The following EPHA3 variants were observed in gnomAD, a reference collection of about 807,000 sequenced individuals.
EPHA3 encodes EPH receptor A3, also known as ephrin type-A receptor 3.
A neutral mutation model predicts 107.1 loss-of-function variants in EPHA3; 42 were observed. The observed-to-expected ratio is 0.39, with a 90% confidence interval of 0.31 to 0.51. The LOEUF (loss-of-function observed/expected upper bound fraction) is 0.51. EPHA3 is among the 20% of genes least tolerant of loss of function. EPHA3 has a pLI of 0.78. For missense variants in EPHA3, 1,183 were observed against 1,211.2 expected (o/e 0.98, Z 0.35); for synonymous variants, 461 against 424.8 (o/e 1.09, Z -1.05).
chr3:89,286,100 C>G (rs1706075250), intron 3 of EPHA3, among the ~76,000 whole-genome samples: 1 of 147,692 alleles, frequency 6.8e-6, no homozygotes. Context: ...AAACTTTAAA[C>G]TAGGAGGATC....
chr3:89,238,788 C>T (rs937042488), intron 3 of EPHA3, among the ~76,000 whole-genome samples: 6 of 152,080 alleles, frequency 3.9e-5, no homozygotes, highest in Admixed American at 3.9e-4. Flanking sequence ...ATGCCAAATA[C>T]TTGTAAAACA....
At chr3:89,212,371 C>A (rs1356803809) in intron 3 of EPHA3, among the ~76,000 whole-genome samples, 1 of 151,822 alleles carries the variant, frequency 6.6e-6, no homozygotes, top group Non-Finnish European at 1.5e-5. Flanking sequence ...TGTTCATAAA[C>A]CTCCTTTTAA....
At chr3:89,402,538 T>A (rs1708984741) in intron 7 of EPHA3, among the ~76,000 whole-genome samples, 2 of 152,158 alleles carry the variant, frequency 1.3e-5, no homozygotes, top group South Asian at 4.1e-4. Flanking sequence ...CCTATTGTTT[T>A]TATTAAATCA....
At chr3:89,151,739 T>A (rs1300003236) in intron 2 of EPHA3, among the ~76,000 whole-genome samples, 1 of 152,062 alleles carries the variant, frequency 6.6e-6, no homozygotes, top group Non-Finnish European at 1.5e-5. Flanking sequence ...CATGGATATG[T>A]GTATAAACGC....
chr3:89,239,111 C>G (rs1255963933), intron 3 of EPHA3, among the ~76,000 whole-genome samples: 1 of 152,128 alleles, frequency 6.6e-6, no homozygotes, highest in African/African-American at 2.4e-5. Context: ...TTTGGTCCTT[C>G]TAGGCTTTGT....
In EPHA3 at chr3:89,123,323, A is replaced by G. The variant is rs538152626; in HGVS notation, c.89-3886A>G. On this transcript the variant is annotated intron_variant, in intron 1 of 16. Transcript: ENST00000336596. ...CATGCCAGCTAATTTTTGTATTTTT[A>G]GTAGAGATGAGTTTTCGCCATGTTG... 9.9e-5 allele frequency among the ~76,000 whole-genome samples: 15 copies of G among 152,144 alleles called. No individual in the cohort carries two copies. In the East Asian group the frequency reaches 1.4e-3, roughly 14 times the overall value.
In EPHA3 at chr3:89,429,100, A is replaced by G; in HGVS notation, c.2075-6A>G. 1 of 1,592,600 alleles carries G rather than the reference A, an allele frequency of 6.3e-7. No homozygotes were observed. Among genetic ancestry groups the G allele is most frequent in the Non-Finnish European group, 8.6e-7 (1 of 1,161,300 alleles). ...GATTATTATTTATTATTTACTGTAT[A>G]TCTAGGTAAGCCAGTTATGATTGTC... On this transcript the variant is annotated splice_region_variant and splice_polypyrimidine_tract_variant and intron_variant, in intron 11 of 16. Coordinates refer to ENST00000336596, the MANE Select transcript of EPHA3 (RefSeq NM_005233.6).
intron 5 of EPHA3, among the ~76,000 whole-genome samples, chr3:89,379,240 G>T (rs1014487251): frequency 6.6e-6 from 1 of 152,094 alleles, no homozygotes; most frequent in South Asian, 2.1e-4. Context: ...ATTTGTTTGG[G>T]ATAAAAAGAG....
At position 89,109,342 on chromosome 3, in the gene EPHA3, T is replaced by A. The variant is rs186155342; in HGVS notation, c.88+1506T>A. Among the ~76,000 whole-genome samples the A allele has an allele frequency of 1.2e-4, 18 of 152,204 alleles. No individual in the cohort carries two copies. The East Asian group carries it at 3.5e-3, about 29-fold the overall frequency. On this transcript the variant is annotated intron_variant, in intron 1 of 16. Transcript: ENST00000336596. ...GTATTCATTTGTATAACGGGTAACA[T>A]GTATAATAGGTAACATATCAATAAA...
intron 2 of EPHA3, among the ~76,000 whole-genome samples, chr3:89,170,343 T>G (rs1705183407): frequency 6.6e-6 from 1 of 152,194 alleles, no homozygotes. Flanking sequence ...CTAAGGATAC[T>G]TGGCTTAATC....
Position 89,173,975 on chromosome 3 carries a change from G to A in EPHA3, c.154-35885G>A, listed in dbSNP as rs141584520. Reference sequence around the variant, plus strand: ...CATGCATTTTATTCCCAAATCACACGTGTGTCTTTTGGGACATATATTTTG... The same window carrying A: ...CATGCATTTTATTCCCAAATCACACATGTGTCTTTTGGGACATATATTTTG... On this transcript the variant is annotated intron_variant, in intron 2 of 16. Coordinates refer to ENST00000336596, the MANE Select transcript of EPHA3 (RefSeq NM_005233.6). Among the ~76,000 whole-genome samples, 70 of 151,978 alleles carry A rather than the reference G, an allele frequency of 4.6e-4. 1 individual carries two copies. The East Asian group carries it at 8.5e-3, about 18-fold the overall frequency.
chr3:89,115,970 C>A (rs1485213228), intron 1 of EPHA3, among the ~76,000 whole-genome samples: 1 of 152,078 alleles, frequency 6.6e-6, no homozygotes, highest in Non-Finnish European at 1.5e-5. Context: ...TAGAAACATT[C>A]AGAAATTTGT....
At chr3:89,458,591 G>T (rs184114953) in intron 15 of EPHA3, among the ~76,000 whole-genome samples, 1 of 152,054 alleles carries the variant, frequency 6.6e-6, no homozygotes, top group South Asian at 2.1e-4. Context: ...TTGTGGAATC[G>T]CCACACTCTC....
At chr3:89,154,159 T>G (rs1421469316) in intron 2 of EPHA3, among the ~76,000 whole-genome samples, 2 of 152,070 alleles carry the variant, frequency 1.3e-5, no homozygotes, top group Non-Finnish European at 2.9e-5. Flanking sequence ...TATCATCTTC[T>G]AATATTCTCC....
At chr3:89,216,476 C>T (rs1285310178) in intron 3 of EPHA3, among the ~76,000 whole-genome samples, 1 of 151,904 alleles carries the variant, frequency 6.6e-6, no homozygotes. Context: ...TATAGTTCTC[C>T]TATCATCTTA....
chr3:89,218,264 A>G (rs76723798), intron 3 of EPHA3, among the ~76,000 whole-genome samples: 4,760 of 148,844 alleles, frequency 0.032, 270 homozygotes, highest in African/African-American at 0.11. Context: ...GGCATTAGGT[A>G]TATCTCCTAA....
intron 3 of EPHA3, among the ~76,000 whole-genome samples, chr3:89,326,854 G>A (rs1442113286): frequency 2.0e-5 from 3 of 151,358 alleles, no homozygotes; most frequent in East Asian, 1.9e-4. Context: ...TTTTTAATTC[G>A]GAAGCTTCTT....
chr3:89,429,468 C>A (rs2107535036), intron 12 of EPHA3, among the ~76,000 whole-genome samples: 1 of 151,994 alleles, frequency 6.6e-6, no homozygotes, highest in Non-Finnish European at 1.5e-5. Flanking sequence ...GTAATAAAAC[C>A]CACTGATGTA....
chr3:89,398,476 A>G (rs768466877), intron 6 of EPHA3, among the ~76,000 whole-genome samples: 1 of 152,198 alleles, frequency 6.6e-6, no homozygotes, highest in Non-Finnish European at 1.5e-5. Context: ...TTTTGTCTCT[A>G]CCAAACCACA....
Sources: gnomAD v4.1 joint callset for allele counts (sites outside exome capture counted in the v4.1 genomes callset) on GRCh38, gnomAD v4.1.1 for gene constraint, MANE v1.5 for transcripts, NCBI Gene and HGNC (gene_info 2026-07-23, HGNC 2026-07-21) for gene names.